The following LYZL6 variants were observed in gnomAD, a reference collection of about 807,000 sequenced individuals.
The protein encoded by LYZL6 is lysozyme-like protein 6.
A neutral mutation model predicts 15.0 loss-of-function variants in LYZL6; 21 were observed. The ratio of observed to expected loss-of-function variants is 1.40; its 90% CI spans 1.00 to 2.02. The LOEUF (loss-of-function observed/expected upper bound fraction) is 2.02. Among genes scored for constraint, LYZL6 ranks in the 30% most tolerant of loss-of-function variants. The pLI, the probability that LYZL6 is intolerant of heterozygous loss-of-function variation, is 0.00. For synonymous variants in LYZL6, 72 were observed against 67.8 expected (o/e 1.06, Z -0.31); for missense variants, 173 against 180.5 (o/e 0.96, Z 0.24).
chr17:35,941,979 A>T (rs1349986045), intron 1 of LYZL6, among the ~76,000 whole-genome samples: 1 of 152,226 alleles, frequency 6.6e-6, no homozygotes, highest in Non-Finnish European at 1.5e-5. Flanking sequence ...CAAAATTAAC[A>T]TCTCCAAAGA....
chr17:35,937,626 C>T lies in LYZL6; in HGVS notation c.298+132G>A, dbSNP rs527250216. 14 of 970,440 alleles carry T rather than the reference C, an allele frequency of 1.4e-5. No homozygotes were observed. The Admixed American group carries it at 3.5e-4, about 24-fold the overall frequency. The allele number at this position is 970,440 out of a possible 1,614,324, so 60.1% of individuals were successfully genotyped here. On this transcript the variant is annotated intron_variant, in intron 3 of 4. Transcript: ENST00000615905. ...AGGGACACTACTCCAGCCCTCTGCT[C>T]AGTAAAGGGATTCCCTGATTTTTTG...
intron 4 of LYZL6, among the ~76,000 whole-genome samples, chr17:35,935,398 C>T (rs867511102): frequency 3.1e-4 from 47 of 152,304 alleles, no homozygotes; most frequent in African/African-American, 9.9e-4. Flanking sequence ...TGATGAATGC[C>T]ACATTTTTTT....
chr17:35,941,150 C>T (rs558829829), intron 1 of LYZL6, among the ~76,000 whole-genome samples: 1 of 152,218 alleles, frequency 6.6e-6, no homozygotes, highest in Non-Finnish European at 1.5e-5. Flanking sequence ...TACATCCTCA[C>T]CAACACTTGT....
Position 35,939,567 on chromosome 17 carries a change from A to C in LYZL6, c.-202-9T>G, listed in dbSNP as rs2089408868. On this transcript the variant is annotated splice_polypyrimidine_tract_variant and intron_variant, in intron 1 of 4. Coordinates refer to ENST00000615905, the MANE Select transcript of LYZL6 (RefSeq NM_020426.4). ...ATCATGGAAAATTAAACCTTTAAAA[A>C]AGGAAAGAGAATAGTATCATGAACC... The C allele has an allele frequency of 2.3e-6, 1 of 427,960 alleles. No homozygotes were observed. The highest frequency in any genetic ancestry group is 4.1e-6 in the Non-Finnish European group (1 of 242,972). The allele number at this position is 427,960 out of a possible 1,614,324, so 26.5% of individuals were successfully genotyped here. A position where few individuals can be genotyped will look rare whatever the true frequency, so the allele number is the denominator to read the frequency against.
chr17:35,934,562 C>A lies in LYZL6; in HGVS notation c.*234G>T, dbSNP rs868674195. The stretch of plus-strand genomic sequence containing the variant: ...AATATTTCGATAAATATAAAGATTT[C>A]TTTATTGTGGTCCTCAGTTTACAAA... On this transcript the variant is annotated 3_prime_UTR_variant, in exon 5 of 5. Transcript: ENST00000615905. The A allele has an allele frequency of 3.8e-6, 2 of 531,744 alleles. No homozygotes were observed. Among genetic ancestry groups the A allele is most frequent in the Non-Finnish European group, 3.3e-6 (1 of 300,100 alleles). The allele number at this position is 531,744 out of a possible 1,614,324, so 32.9% of individuals were successfully genotyped here.
intron 2 of LYZL6, among the ~76,000 whole-genome samples, 182 bp downstream of exon 2, chr17:35,939,036 G>A (rs1410763702): frequency 6.6e-6 from 1 of 152,206 alleles, no homozygotes; most frequent in Non-Finnish European, 1.5e-5. Flanking sequence ...TAAAACAGTT[G>A]TTGGTACATA....
At chr17:35,936,922 G>A (rs1186607213) in intron 3 of LYZL6, 89 bp from the exon 4 acceptor site, 1 of 1,130,542 alleles carries the variant, frequency 8.8e-7, no homozygotes, top group Non-Finnish European at 1.3e-6. Context: ...ACAGCCCTAT[G>A]CCACCTAGAG....
At chr17:35,936,863 G>T in intron 3 of LYZL6, 30 bp from the exon 4 acceptor site, 2 of 1,596,096 alleles carry the variant, frequency 1.3e-6, no homozygotes, top group Non-Finnish European at 8.6e-7. Flanking sequence ...AACCTGTGAG[G>T]GCACAGAAGA....
intron 2 of LYZL6, 151 bp downstream of exon 2, chr17:35,939,067 T>G (rs2089402489): frequency 1.2e-6 from 1 of 848,304 alleles, no homozygotes; most frequent in South Asian, 1.8e-5. Flanking sequence ...AGACAATAAC[T>G]TGAGTGAATA....
chr17:35,934,751 G>A lies in LYZL6; in HGVS notation c.*45C>T, dbSNP rs777643606. 2.8e-5 allele frequency: 43 copies of A among 1,548,640 alleles called. No homozygotes were observed. The Admixed American group carries it at 7.2e-4, about 26-fold the overall frequency. On this transcript the variant is annotated 3_prime_UTR_variant, in exon 5 of 5. Transcript: ENST00000615905. ...GAAGAAATGAAGAATCCCTGAGTGA[G>A]GACAGGAGTCTTGGAATGACTCCAC...
At chr17:35,935,941 G>A (rs59295576) in intron 4 of LYZL6, among the ~76,000 whole-genome samples, 3,804 of 151,940 alleles carry the variant, frequency 0.025, 150 homozygotes, top group African/African-American at 0.087. Context: ...AGCCTCCTGA[G>A]TAGCTGGGAC....
Position 35,937,837 on chromosome 17 carries a change from G to A in LYZL6, c.219C>T (p.Gly73=), listed in dbSNP as rs763630446. The A allele has an allele frequency of 5.0e-6, 8 of 1,613,946 alleles. No homozygotes were observed. The African/African-American group carries it at 1.1e-4, about 22-fold the overall frequency. The change falls in exon 3 of 5, where the codon GGC becomes GGT. Residue 73 remains glycine (G), a synonymous_variant. Coordinates refer to ENST00000615905, the MANE Select transcript of LYZL6 (RefSeq NM_020426.4). The part of the protein sequence containing the change: ...NENADGSFDY[G]LFQINSHYWC... ...AGTAGTGGCTGTTGATCTGGAAGAGGCCATAGTCAAAGCTTCCGTCTGCAT... is the reference window on the plus strand; with the variant it reads ...AGTAGTGGCTGTTGATCTGGAAGAGACCATAGTCAAAGCTTCCGTCTGCAT...
chr17:35,941,150 C>G (rs558829829), intron 1 of LYZL6, among the ~76,000 whole-genome samples: 1 of 152,338 alleles, frequency 6.6e-6, no homozygotes, highest in East Asian at 1.9e-4. Context: ...TACATCCTCA[C>G]CAACACTTGT....
chr17:35,943,057 G>A (rs113091363), intron 1 of LYZL6, among the ~76,000 whole-genome samples: 11,293 of 152,098 alleles, frequency 0.074, 533 homozygotes, highest in East Asian at 0.14. Flanking sequence ...CCCCTCTCTA[G>A]CCCATTTATA....
At chr17:35,936,728 C>T (rs779590942) in intron 4 of LYZL6, 27 bp downstream of exon 4, 5 of 1,602,792 alleles carry the variant, frequency 3.1e-6, no homozygotes, top group South Asian at 1.1e-5. Context: ...GGGCTCTGCC[C>T]GCTGAGTCCC....
rs2089408536 is a variant in LYZL6 at position 35,939,529 on chromosome 17, T to C, written c.-173A>G. On this transcript the variant is annotated 5_prime_UTR_variant, in exon 2 of 5. Coordinates refer to ENST00000615905, the MANE Select transcript of LYZL6 (RefSeq NM_020426.4). Reference sequence around the variant, plus strand: ...CTCTTTTCTCTTGTTTATTATTTTATAGATTTTTATTTATCATGGAAAATT... The same window carrying C: ...CTCTTTTCTCTTGTTTATTATTTTACAGATTTTTATTTATCATGGAAAATT... The C allele has an allele frequency of 2.1e-6, 1 of 487,134 alleles. No homozygotes were observed. The allele number at this position is 487,134 out of a possible 1,614,324, so 30.2% of individuals were successfully genotyped here.
At chr17:35,939,846 T>A (rs891598601) in intron 1 of LYZL6, among the ~76,000 whole-genome samples, 2 of 151,970 alleles carry the variant, frequency 1.3e-5, no homozygotes, top group Non-Finnish European at 2.9e-5. Context: ...CAGCTATGGG[T>A]AGTATTTGGG....
intron 4 of LYZL6, 107 bp downstream of exon 4, chr17:35,936,648 C>G (rs1219768744): frequency 1.2e-6 from 1 of 866,378 alleles, no homozygotes; most frequent in Non-Finnish European, 1.9e-6. Context: ...CCACATCTTT[C>G]TAGACACTGC....
At chr17:35,936,368 A>G (rs57351900) in intron 4 of LYZL6, among the ~76,000 whole-genome samples, 299 of 152,322 alleles carry the variant, frequency 2.0e-3, no homozygotes, top group African/African-American at 7.1e-3. Flanking sequence ...TGGAGCAGAG[A>G]AAGTCTGCGG....
Sources: gnomAD v4.1 joint callset for allele counts (sites outside exome capture counted in the v4.1 genomes callset) on GRCh38, gnomAD v4.1.1 for gene constraint, MANE v1.5 for transcripts, NCBI Gene and HGNC (gene_info 2026-07-23, HGNC 2026-07-21) for gene names.